Variants in AASDHPPT observed in about 807,000 individuals in gnomAD.
The protein encoded by AASDHPPT is aminoadipate-semialdehyde dehydrogenase-phosphopantetheinyl transferase, also known as L-aminoadipate-semialdehyde dehydrogenase-phosphopantetheinyl transferase.
Under a neutral mutation model 36.4 loss-of-function variants are expected in AASDHPPT, and 23 were observed. That is an observed-to-expected ratio of 0.63 (90% CI 0.45 to 0.89). AASDHPPT has a LOEUF of 0.89. Ranked by LOEUF, AASDHPPT falls within the 40% of genes least tolerant of loss-of-function variation. AASDHPPT has a pLI of 0.00. For missense variants in AASDHPPT, 377 were observed against 378.2 expected, an observed-to-expected ratio of 1.00 and a Z score of 0.03; for synonymous variants, 115 against 128.0, an observed-to-expected ratio of 0.90 and a Z score of 0.68.
In AASDHPPT at chr11:106,093,752, C is replaced by G. The variant is rs558395995; in HGVS notation, c.694-831C>G. ...AAGTGTTTACAATTTTTTCTGGTAACTGCTTCAATATATATTACATTTTAA... is the reference window on the plus strand; with the variant it reads ...AAGTGTTTACAATTTTTTCTGGTAAGTGCTTCAATATATATTACATTTTAA... On this transcript the variant is annotated intron_variant, in intron 4 of 5. Coordinates refer to ENST00000278618, the MANE Select transcript of AASDHPPT (RefSeq NM_015423.3). The G allele has an allele frequency of 7.2e-5, 11 of 152,142 alleles. No individual in the cohort carries two copies. In the East Asian group the frequency reaches 2.1e-3, roughly 29 times the overall value. The allele number at this position is 152,142 out of a possible 1,614,324, so 9.4% of individuals were successfully genotyped here. A position where few individuals can be genotyped will look rare whatever the true frequency, so the allele number is the denominator to read the frequency against.
chr11:106,080,121 G>A (rs1371667839), intron 2 of AASDHPPT, among the ~76,000 whole-genome samples: 2 of 152,102 alleles, frequency 1.3e-5, no homozygotes, highest in African/African-American at 2.4e-5. Context: ...GAACTGCATG[G>A]GTCTACTCAT....
chr11:106,077,763 G>T lies in AASDHPPT; in HGVS notation c.53G>T (p.Arg18Leu). Reference sequence around the variant, plus strand: ...TTGGTGCCATCCATGGAGGGCGTGCGCTGGGCCTTTTCCTGCGGCACTTGG... The same window carrying T: ...TTGGTGCCATCCATGGAGGGCGTGCTCTGGGCCTTTTCCTGCGGCACTTGG... ...FCLVPSMEGV[R>L]WAFSCGTWLP... The change falls in exon 1 of 6, where the codon CGC becomes CTC. Residue 18 changes from arginine to leucine, a missense_variant. Coordinates refer to ENST00000278618, the MANE Select transcript of AASDHPPT (RefSeq NM_015423.3). 1 of 1,614,134 alleles carries T rather than the reference G, an allele frequency of 6.2e-7. No individual in the cohort carries two copies. The highest frequency in any genetic ancestry group is 8.5e-7 in the Non-Finnish European group (1 of 1,180,000).
intron 4 of AASDHPPT, chr11:106,093,506 TA>T (rs1861277701): frequency 6.6e-6 from 1 of 152,228 alleles, no homozygotes; most frequent in African/African-American, 2.4e-5. Flanking sequence ...AATCTTCTGA[TA>T]CTTAGTCTTA....
rs758734056 is a variant in AASDHPPT at position 106,079,558 on chromosome 11, C to A, written c.275C>A (p.Pro92Gln). 6.2e-7 allele frequency: 1 copy of A among 1,614,118 alleles called. No individual in the cohort carries two copies. The highest frequency in any genetic ancestry group is 8.5e-7 in the Non-Finnish European group (1 of 1,180,004). ...IRLQRTAKGKPVLAKDSSNPY... is the reference protein window; with the variant it reads ...IRLQRTAKGKQVLAKDSSNPY... ...TTGCAAAGAACTGCAAAAGGAAAAC[C>A]AGTTCTTGCAAAGGACTCATCGAAT... Residue 92 changes from proline to glutamine, a missense_variant, in exon 2 of 6, where the codon CCA becomes CAA. Transcript: ENST00000278618.
intron 2 of AASDHPPT, among the ~76,000 whole-genome samples, chr11:106,088,528 GTT>G (rs1565411554): frequency 6.6e-6 from 1 of 152,030 alleles, no homozygotes. Flanking sequence ...ACAAGAAACA[GTT>G]TTTGATTTTT....
At chr11:106,091,714 G>A in intron 4 of AASDHPPT, 2 of 356,796 alleles carry the variant, frequency 5.6e-6, no homozygotes, top group Non-Finnish European at 9.9e-6. Context: ...GCTCTGACAA[G>A]GAGCTTTGCA....
intron 2 of AASDHPPT, among the ~76,000 whole-genome samples, chr11:106,088,670 A>C (rs1861223760): frequency 6.6e-6 from 1 of 152,066 alleles, no homozygotes; most frequent in Non-Finnish European, 1.5e-5. Flanking sequence ...CTATTGATGC[A>C]TTGAACAAAA....
intron 1 of AASDHPPT, 68 bp downstream of exon 1, chr11:106,077,961 G>C: frequency 6.5e-7 from 1 of 1,539,528 alleles, no homozygotes; most frequent in South Asian, 1.2e-5. Context: ...GCCGGGCTGT[G>C]GAGACCCGAC....
intron 2 of AASDHPPT, among the ~76,000 whole-genome samples, chr11:106,081,858 T>TG (rs1861144786): frequency 7.1e-6 from 1 of 140,262 alleles, no homozygotes; most frequent in East Asian, 2.1e-4. Flanking sequence ...GGGACTGTTG[T>TG]GGGTGGGGGA....
chr11:106,088,535 A>T (rs1265536675), intron 2 of AASDHPPT, among the ~76,000 whole-genome samples: 1 of 152,044 alleles, frequency 6.6e-6, no homozygotes, highest in African/African-American at 2.4e-5. Context: ...ACAGTTTTTG[A>T]TTTTTGTAGA....
chr11:106,085,040 G>C (rs1488608613), intron 2 of AASDHPPT, among the ~76,000 whole-genome samples: 1 of 152,122 alleles, frequency 6.6e-6, no homozygotes, highest in East Asian at 1.9e-4. Context: ...TTTTTTATGA[G>C]TGATATTATC....
At chr11:106,082,709 A>G (rs937419220) in intron 2 of AASDHPPT, among the ~76,000 whole-genome samples, 5 of 152,304 alleles carry the variant, frequency 3.3e-5, no homozygotes, top group South Asian at 2.1e-4. Context: ...TACCTAGTAT[A>G]TAGCCTACCA....
chr11:106,092,786 A>G (rs1464946449), intron 4 of AASDHPPT: 1 of 152,184 alleles, frequency 6.6e-6, no homozygotes, highest in Non-Finnish European at 1.5e-5. Flanking sequence ...ACAATATTCA[A>G]TAAATTACAT....
intron 2 of AASDHPPT, among the ~76,000 whole-genome samples, chr11:106,088,641 C>T (rs1861221412): frequency 6.6e-6 from 1 of 152,024 alleles, no homozygotes; most frequent in Non-Finnish European, 1.5e-5. Flanking sequence ...TAAGATGTTA[C>T]TTATCAAGCC....
chr11:106,091,247 G>A, intron 3 of AASDHPPT, 69 bp from the exon 4 acceptor site: 3 of 1,368,196 alleles, frequency 2.2e-6, no homozygotes, highest in Non-Finnish European at 3.0e-6. Flanking sequence ...CCTATCTTTT[G>A]GACCTGTAGA....
rs1175694442 is a variant in AASDHPPT, at chr11:106,097,646, AAGG to A, written c.*740_*742del. 1 of 152,094 alleles carries A rather than the reference AAGG, an allele frequency of 6.6e-6. No individual in the cohort carries two copies. Among genetic ancestry groups the A allele is most frequent in the East Asian group, 1.9e-4 (1 of 5,198 alleles). The allele number at this position is 152,094 out of a possible 1,614,324, so 9.4% of individuals were successfully genotyped here. A position where few individuals can be genotyped will look rare whatever the true frequency, so the allele number is the denominator to read the frequency against. ...TACATCTTTGTAAAATTGTATCTCAAAGGCAGAAAAGGCCATTTCGTCTCTCAT... is the reference window on the plus strand; with the variant it reads ...TACATCTTTGTAAAATTGTATCTCAACAGAAAAGGCCATTTCGTCTCTCAT... On this transcript the variant is annotated 3_prime_UTR_variant, in exon 6 of 6. Coordinates refer to ENST00000278618, the MANE Select transcript of AASDHPPT (RefSeq NM_015423.3).
chr11:106,094,942 A>G (rs1861298076), intron 5 of AASDHPPT, among the ~76,000 whole-genome samples: 1 of 152,114 alleles, frequency 6.6e-6, no homozygotes, highest in African/African-American at 2.4e-5. Context: ...CCTGACCAAC[A>G]TGGAGAAACC....
In AASDHPPT at chr11:106,091,371, A is replaced by G. The variant is rs945598306; in HGVS notation, c.587A>G (p.Gln196Arg). 1.9e-6 allele frequency: 3 copies of G among 1,608,998 alleles called. No individual in the cohort carries two copies. Among genetic ancestry groups the G allele is most frequent in the Non-Finnish European group, 2.5e-6 (3 of 1,177,914 alleles). ...AIGVGLGFEL[Q>R]RLEFDLSPLN... ...GGTGTTGGACTAGGATTTGAATTGC[A>G]GCGGCTTGAATTTGATCTATCTCCA... Residue 196 changes from glutamine to arginine, a missense_variant, in exon 4 of 6, where the codon CAG (glutamine) becomes CGG (arginine). Transcript: ENST00000278618.
rs1238374206 is a variant in AASDHPPT at position 106,078,306 on chromosome 11, C to G, written c.183+413C>G. On this transcript the variant is annotated intron_variant, in intron 1 of 5. Coordinates refer to ENST00000278618, the MANE Select transcript of AASDHPPT (RefSeq NM_015423.3). ...TGCCTGTTAAATATCCCATCATTCT[C>G]CAAGGACTCCCTGCACGTGGTAGGC... 2.6e-5 allele frequency among the ~76,000 whole-genome samples: 4 copies of G among 152,186 alleles called. No homozygotes were observed. The East Asian group carries it at 7.7e-4, about 29-fold the overall frequency.
Sources: allele counts gnomAD v4.1 joint callset (sites outside exome capture counted in the v4.1 genomes callset), GRCh38; gene constraint gnomAD v4.1.1; transcripts MANE v1.5; gene names NCBI Gene and HGNC (gene_info 2026-07-23, HGNC 2026-07-21).